Variants in MRPS28 observed in about 807,000 individuals in gnomAD.
The protein encoded by MRPS28 is mitochondrial ribosomal protein S28, also known as small ribosomal subunit protein bS1m.
In MRPS28, 7 loss-of-function variants were observed where a neutral mutation model predicts 10.8. The observed-to-expected ratio is 0.65, with a 90% CI of 0.37 to 1.22. The LOEUF is 1.22. MRPS28 is among the 50% of genes most tolerant of loss of function. The pLI is 0.02. For synonymous variants in MRPS28, 121 were observed against 93.3 expected, an observed-to-expected ratio of 1.30 and a Z score of -1.71; for missense variants, 265 against 232.9, an observed-to-expected ratio of 1.14 and a Z score of -0.90.
intron 2 of MRPS28, among the ~76,000 whole-genome samples, chr8:79,954,830 T>C (rs548487093): frequency 1.3e-5 from 2 of 152,150 alleles, no homozygotes; most frequent in African/African-American, 2.4e-5. Flanking sequence ...AGTGGAATAA[T>C]GCCTTTAAGA....
At chr8:79,966,478 T>C (rs978596586) in intron 2 of MRPS28, among the ~76,000 whole-genome samples, 2 of 152,068 alleles carry the variant, frequency 1.3e-5, no homozygotes, top group Non-Finnish European at 2.9e-5. Context: ...TTAACAAATT[T>C]GAAAAACTGG....
At position 79,982,345 on chromosome 8, in the gene MRPS28, C is replaced by T. The variant is rs187454373; in HGVS notation, c.395+20654G>A. On this transcript the variant is annotated intron_variant, in intron 2 of 2. Transcript: ENST00000276585. ...CTCCCAGCATGAGCGACGCAGAAGA[C>T]GGGTGATTTCTGCATTTCCATCTGA... is the stretch of plus-strand genomic sequence containing the variant. 3.3e-3 allele frequency among the ~76,000 whole-genome samples: 508 copies of T among 152,322 alleles called. 3 individuals are homozygous for T. The highest frequency in any genetic ancestry group is 5.9e-3 in the Admixed American group (91 of 15,304).
chr8:79,996,158 T>A (rs996923825), intron 2 of MRPS28, among the ~76,000 whole-genome samples: 1 of 152,196 alleles, frequency 6.6e-6, no homozygotes, highest in African/African-American at 2.4e-5. Flanking sequence ...AATTAAAAAT[T>A]AAGTATATTA....
At chr8:79,920,086 C>T (rs1810043943) in intron 2 of MRPS28, among the ~76,000 whole-genome samples, 1 of 152,004 alleles carries the variant, frequency 6.6e-6, no homozygotes, top group Non-Finnish European at 1.5e-5. Context: ...TGATGGTTTC[C>T]AGCTTCATCC....
intron 1 of MRPS28, chr8:80,029,752 G>A: frequency 6.8e-7 from 1 of 1,474,598 alleles, no homozygotes; most frequent in Non-Finnish European, 9.0e-7. Flanking sequence ...AGCGCTCCCC[G>A]CTGGTTACCT....
intron 2 of MRPS28, among the ~76,000 whole-genome samples, chr8:79,986,974 C>A (rs1180488047): frequency 1.3e-5 from 2 of 152,172 alleles, no homozygotes; most frequent in East Asian, 3.8e-4. Context: ...CCAAGTCAAT[C>A]CTGAGCCAAA....
At position 79,919,041 on chromosome 8, in the gene MRPS28, A is replaced by G; in HGVS notation, c.503T>C (p.Val168Ala). The G allele has an allele frequency of 1.9e-6, 3 of 1,601,848 alleles. No individual in the cohort carries two copies. Among genetic ancestry groups the G allele is most frequent in the Non-Finnish European group, 2.6e-6 (3 of 1,175,122 alleles). Reference sequence around the variant, plus strand: ...TTTACTCTCCTGGATTCCCAAGAGAACTGCATTAGCCTCTAGTACAGTTGT... The same window carrying G: ...TTTACTCTCCTGGATTCCCAAGAGAGCTGCATTAGCCTCTAGTACAGTTGT... ...TDTTVLEANAVLLGIQESKDS... is the reference protein window; with the variant it reads ...TDTTVLEANAALLGIQESKDS... Residue 168 changes from valine to alanine, a missense_variant, in exon 3 of 3, where the codon GTT (valine) becomes GCT (alanine). Physicochemically the swap from Val to Ala is moderately conservative, Grantham distance 64. Coordinates refer to ENST00000276585, the MANE Select transcript of MRPS28 (RefSeq NM_014018.3).
chr8:79,964,946 T>G (rs1807467704), intron 2 of MRPS28, among the ~76,000 whole-genome samples: 1 of 152,236 alleles, frequency 6.6e-6, no homozygotes, highest in African/African-American at 2.4e-5. Flanking sequence ...TGTTCTTGAG[T>G]CTATGAAGAT....
At chr8:80,007,884 G>C (rs1265266583) in intron 1 of MRPS28, among the ~76,000 whole-genome samples, 7 of 152,070 alleles carry the variant, frequency 4.6e-5, no homozygotes, top group Admixed American at 2.0e-4. Context: ...TCCCCATCAA[G>C]CTACCAATGA....
rs1224536106 is a variant in MRPS28, at chr8:79,990,542, A to G, written c.395+12457T>C. On this transcript the variant is annotated intron_variant, in intron 2 of 2. Transcript: ENST00000276585. ...ATTCAGACTTATCTATAAGGATACT[A>G]GCCTATCTAGCAAAGCAAATATTTC... Among the ~76,000 whole-genome samples, 6 of 152,182 alleles carry G rather than the reference A, an allele frequency of 3.9e-5. No homozygotes were observed. The East Asian group carries it at 1.2e-3, about 29-fold the overall frequency.
intron 2 of MRPS28, among the ~76,000 whole-genome samples, chr8:79,938,543 T>C (rs1806671770): frequency 6.6e-6 from 1 of 152,142 alleles, no homozygotes; most frequent in Non-Finnish European, 1.5e-5. Flanking sequence ...AGATACCTTA[T>C]GGTTGAAGTT....
At chr8:79,983,333 G>A (rs943034405) in intron 2 of MRPS28, among the ~76,000 whole-genome samples, 30 of 152,180 alleles carry the variant, frequency 2.0e-4, no homozygotes, top group African/African-American at 5.5e-4. Context: ...AAAAAACAGA[G>A]CAGAAAAACT....
intron 2 of MRPS28, among the ~76,000 whole-genome samples, chr8:79,942,662 T>C (rs1046714356): frequency 9.2e-5 from 14 of 152,334 alleles, no homozygotes; most frequent in Admixed American, 9.1e-4. Context: ...AGTGTTTTCA[T>C]TGACTTGATC....
At chr8:79,947,491 T>C (rs184269906) in intron 2 of MRPS28, among the ~76,000 whole-genome samples, 7 of 152,272 alleles carry the variant, frequency 4.6e-5, no homozygotes, top group Non-Finnish European at 8.8e-5. Flanking sequence ...TAGACTAATA[T>C]AGAGAAAGCT....
At chr8:79,961,227 TG>T (rs1807364747) in intron 2 of MRPS28, among the ~76,000 whole-genome samples, 1 of 152,116 alleles carries the variant, frequency 6.6e-6, no homozygotes, top group Admixed American at 6.6e-5. Context: ...ATATCTAAAT[TG>T]GAATTCAGGA....
At chr8:80,011,450 C>T (rs1462278414) in intron 1 of MRPS28, among the ~76,000 whole-genome samples, 6 of 149,606 alleles carry the variant, frequency 4.0e-5, no homozygotes, top group Non-Finnish European at 8.9e-5. Flanking sequence ...AAGCCATAGT[C>T]CAATTAAAAC....
chr8:79,979,575 G>A (rs1807895645), intron 2 of MRPS28, among the ~76,000 whole-genome samples: 1 of 151,990 alleles, frequency 6.6e-6, no homozygotes. Context: ...CCAGGCTGAA[G>A]TGCAGTGGCA....
At chr8:79,933,596 C>A (rs1027069860) in intron 2 of MRPS28, among the ~76,000 whole-genome samples, 7 of 152,018 alleles carry the variant, frequency 4.6e-5, no homozygotes, top group Admixed American at 3.9e-4. Flanking sequence ...AGGAGATGCT[C>A]AGGAGATGAA....
chr8:79,921,098 G>A (rs1214268393), intron 2 of MRPS28, among the ~76,000 whole-genome samples: 2 of 152,110 alleles, frequency 1.3e-5, no homozygotes, highest in Non-Finnish European at 2.9e-5. Flanking sequence ...TCAGATAGTT[G>A]TAGATATGAG....
Sources: allele counts gnomAD v4.1 joint callset (sites outside exome capture counted in the v4.1 genomes callset), GRCh38; gene constraint gnomAD v4.1.1; transcripts MANE v1.5; gene names NCBI Gene and HGNC (gene_info 2026-07-23, HGNC 2026-07-21).